Variants in PDE10A observed in about 807,000 individuals in gnomAD.
PDE10A encodes the protein phosphodiesterase 10A.
In PDE10A, 39 loss-of-function variants were observed where a neutral mutation model predicts 97.7. The observed-to-expected ratio is 0.40, with a 90% CI of 0.31 to 0.52. PDE10A has a LOEUF of 0.52. Among genes scored for constraint, PDE10A ranks in the 20% least tolerant of loss-of-function variants. The probability of loss-of-function intolerance (pLI) is 0.56; values close to 1 mark genes in which losing one functional copy is unlikely to be tolerated. For missense variants in PDE10A, 731 were observed against 1,047.8 expected (o/e 0.70, Z 4.17); for synonymous variants, 371 against 376.8 (o/e 0.98, Z 0.18).
intron 18 of PDE10A, among the ~76,000 whole-genome samples, chr6:165,352,296 A>G (rs1313816817): frequency 1.3e-5 from 2 of 152,224 alleles, no homozygotes; most frequent in Non-Finnish European, 2.9e-5. Flanking sequence ...GCCTGGCTCT[A>G]TACATTGGGC....
intron 1 of PDE10A, among the ~76,000 whole-genome samples, chr6:165,714,623 G>A (rs1791981273): frequency 6.6e-6 from 1 of 152,234 alleles, no homozygotes; most frequent in Non-Finnish European, 1.5e-5. Context: ...CCCATCCACA[G>A]GGGTGTCCCA....
intron 1 of PDE10A, among the ~76,000 whole-genome samples, chr6:165,765,507 C>T (rs1255570827): frequency 6.6e-6 from 1 of 152,260 alleles, no homozygotes; most frequent in Non-Finnish European, 1.5e-5. Flanking sequence ...CCCAGTACAC[C>T]CTCCGCAGCC....
At chr6:165,761,198 C>A (rs754339096) in intron 1 of PDE10A, among the ~76,000 whole-genome samples, 1 of 152,162 alleles carries the variant, frequency 6.6e-6, no homozygotes, top group Non-Finnish European at 1.5e-5. Context: ...TTTTTCTAAC[C>A]CTTCAAAGTG....
At chr6:165,450,034 T>C (rs770622679) in intron 4 of PDE10A, among the ~76,000 whole-genome samples, 3 of 152,230 alleles carry the variant, frequency 2.0e-5, no homozygotes, top group African/African-American at 7.2e-5. Flanking sequence ...ATCAGGCAGA[T>C]ACTTATTTGG....
chr6:165,828,622 A>G (rs1045109509), intron 1 of PDE10A, among the ~76,000 whole-genome samples: 7 of 152,254 alleles, frequency 4.6e-5, no homozygotes, highest in Non-Finnish European at 1.0e-4. Context: ...ACAAGGTTGC[A>G]CAGGTGGATA....
At chr6:165,709,845 G>T (rs1275366195) in intron 1 of PDE10A, among the ~76,000 whole-genome samples, 1 of 150,566 alleles carries the variant, frequency 6.6e-6, no homozygotes, top group Non-Finnish European at 1.5e-5. Flanking sequence ...AGTGGTCTTT[G>T]AAAACTACCT....
intron 1 of PDE10A, among the ~76,000 whole-genome samples, chr6:165,635,167 G>C (rs536342097): frequency 1.5e-4 from 23 of 152,284 alleles, no homozygotes; most frequent in Non-Finnish European, 3.1e-4. Context: ...GCTTCCTTTA[G>C]GTAGGCGCAG....
chr6:165,742,395 C>T (rs184804640), intron 1 of PDE10A, among the ~76,000 whole-genome samples: 2 of 152,210 alleles, frequency 1.3e-5, no homozygotes, highest in East Asian at 1.9e-4. Flanking sequence ...GCTATGTACC[C>T]CATTTCATGA....
At chr6:165,348,896 G>T (rs1198524777) in intron 18 of PDE10A, among the ~76,000 whole-genome samples, 7 of 152,180 alleles carry the variant, frequency 4.6e-5, no homozygotes, top group Non-Finnish European at 8.8e-5. Context: ...ACGTGAAGAA[G>T]GATGTGTTAG....
chr6:165,656,528 T>G (rs1051359565), intron 1 of PDE10A, among the ~76,000 whole-genome samples: 1 of 151,926 alleles, frequency 6.6e-6, no homozygotes, highest in Admixed American at 6.5e-5. Flanking sequence ...CAGAGGGGAT[T>G]CTTTCTACCT....
chr6:165,633,810 T>C (rs921516517), intron 1 of PDE10A, among the ~76,000 whole-genome samples: 3 of 146,968 alleles, frequency 2.0e-5, no homozygotes, highest in South Asian at 2.2e-4. Context: ...TTTTTTTTCG[T>C]ATTTTTATAG....
intron 3 of PDE10A, among the ~76,000 whole-genome samples, chr6:165,451,237 G>A (rs1215248344): frequency 1.3e-5 from 2 of 152,092 alleles, no homozygotes; most frequent in African/African-American, 4.8e-5. Flanking sequence ...CTTCATCATG[G>A]CACCAGTGGA....
chr6:165,832,295 C>A (rs1039385705), intron 1 of PDE10A, among the ~76,000 whole-genome samples: 2 of 151,792 alleles, frequency 1.3e-5, no homozygotes, highest in South Asian at 4.2e-4. Flanking sequence ...GAGGAAGGAA[C>A]GAAACAGCCG....
chr6:165,752,761 T>A (rs1488317121), intron 1 of PDE10A, among the ~76,000 whole-genome samples: 1 of 152,220 alleles, frequency 6.6e-6, no homozygotes, highest in East Asian at 1.9e-4. Context: ...AATGCTCATG[T>A]ATTGGTTTCT....
intron 2 of PDE10A, among the ~76,000 whole-genome samples, chr6:165,536,358 C>T (rs1261563925): frequency 6.6e-6 from 1 of 151,582 alleles, no homozygotes; most frequent in Non-Finnish European, 1.5e-5. Context: ...AAGAAGCTAC[C>T]AGAAAAAAAC....
At chr6:165,469,759 T>C (rs1228150177) in intron 3 of PDE10A, among the ~76,000 whole-genome samples, 1 of 152,182 alleles carries the variant, frequency 6.6e-6, no homozygotes, top group Non-Finnish European at 1.5e-5. Context: ...ACTGGAACAC[T>C]GTATCTGTCA....
At chr6:165,929,896 A>G in intron 1 of PDE10A, among the ~76,000 whole-genome samples, 1 of 151,332 alleles carries the variant, frequency 6.6e-6, no homozygotes, top group Non-Finnish European at 1.5e-5. Flanking sequence ...CTCCCTAATG[A>G]CCGGGCACAT....
intron 1 of PDE10A, among the ~76,000 whole-genome samples, chr6:165,883,558 T>TAA (rs1781547829): frequency 7.8e-6 from 1 of 128,744 alleles, no homozygotes; most frequent in African/African-American, 2.9e-5. Context: ...AAAAAATAAA[T>TAA]AAAAATAAAA....
intron 3 of PDE10A, among the ~76,000 whole-genome samples, chr6:165,477,473 G>T (rs1274442510): frequency 1.3e-5 from 2 of 152,150 alleles, no homozygotes; most frequent in Non-Finnish European, 2.9e-5. Context: ...TGTCTAGTTT[G>T]TCCTCGAGAT....
Sources: gnomAD v4.1 joint callset for allele counts (sites outside exome capture counted in the v4.1 genomes callset) on GRCh38, gnomAD v4.1.1 for gene constraint, MANE v1.5 for transcripts, NCBI Gene and HGNC (gene_info 2026-07-23, HGNC 2026-07-21) for gene names.